KATNAL2: variants seen among roughly 807,000 people sequenced by gnomAD.
The protein encoded by KATNAL2 is katanin p60 ATPase-containing subunit A-like 2.
A neutral mutation model predicts 76.3 loss-of-function variants in KATNAL2; 52 were observed. The ratio of observed to expected loss-of-function variants is 0.68; its 90% CI spans 0.55 to 0.86. The LOEUF (loss-of-function observed/expected upper bound fraction) is 0.86, where lower values mean the gene tolerates loss of function less well. Among genes scored for constraint, KATNAL2 ranks in the 40% least tolerant of loss-of-function variants. The probability of loss-of-function intolerance (pLI) is 0.00; values close to 1 mark genes in which losing one functional copy is unlikely to be tolerated. For missense variants in KATNAL2, 660 were observed against 668.9 expected (o/e 0.99, Z 0.15); for synonymous variants, 243 against 244.2 (o/e 1.00, Z 0.05).
chr18:47,095,601 GTGA>G (rs2063197673), intron 15 of KATNAL2, among the ~76,000 whole-genome samples: 1 of 152,198 alleles, frequency 6.6e-6, no homozygotes, highest in African/African-American at 2.4e-5. Flanking sequence ...TCATAGCAGT[GTGA>G]GAATGGACTA....
intron 3 of KATNAL2, among the ~76,000 whole-genome samples, chr18:46,957,140 TTGG>T (rs1447173210): frequency 4.6e-5 from 7 of 152,162 alleles, no homozygotes; most frequent in African/African-American, 1.7e-4. Context: ...TGACTGTGCT[TTGG>T]GGTGCCCAGG....
chr18:46,961,673 T>A (rs925771157), intron 3 of KATNAL2, among the ~76,000 whole-genome samples: 1 of 152,232 alleles, frequency 6.6e-6, no homozygotes, highest in South Asian at 2.1e-4. Flanking sequence ...CTGACCATAT[T>A]TTTGACCACC....
intron 1 of KATNAL2, among the ~76,000 whole-genome samples, chr18:46,939,151 C>A (rs763459284): frequency 6.6e-6 from 1 of 151,980 alleles, no homozygotes; most frequent in Non-Finnish European, 1.5e-5. Context: ...ACCATCCTGG[C>A]CAACATGGTG....
At chr18:46,957,277 A>C (rs1466106991) in intron 3 of KATNAL2, among the ~76,000 whole-genome samples, 1 of 112,858 alleles carries the variant, frequency 8.9e-6, no homozygotes, top group African/African-American at 3.5e-5. Context: ...TTTTTTTGAG[A>C]CGGAGTCTCG....
intron 15 of KATNAL2, chr18:47,098,231 A>G: frequency 2.4e-6 from 1 of 408,500 alleles, no homozygotes; most frequent in Non-Finnish European, 4.8e-6. Flanking sequence ...CAAAAAAAAA[A>G]AAAGTGTACT....
intron 15 of KATNAL2, chr18:47,084,230 C>A (rs772336069): frequency 3.5e-4 from 228 of 645,808 alleles, no homozygotes; most frequent in Admixed American, 1.7e-3. Flanking sequence ...TGTTAACCTA[C>A]TTCTTCCTAC....
intron 1 of KATNAL2, among the ~76,000 whole-genome samples, chr18:46,923,989 G>A (rs1219358691): frequency 6.6e-6 from 1 of 152,134 alleles, no homozygotes; most frequent in Non-Finnish European, 1.5e-5. Flanking sequence ...TTTGTTGGAT[G>A]AGTAGGTTGC....
In KATNAL2 at chr18:46,946,341, G is replaced by A; in HGVS notation, c.-225G>A. On this transcript the variant is annotated 5_prime_UTR_variant, in exon 2 of 18. Coordinates refer to ENST00000683218, the MANE Select transcript of KATNAL2 (RefSeq NM_001387690.1). ...TGATGCACAGTTTGCATCCCAGAAG[G>A]CTCTTGACAACCAAAGTGTCCACAG... 9.7e-7 allele frequency: 1 copy of A among 1,029,350 alleles called. No individual in the cohort carries two copies. Among genetic ancestry groups the A allele is most frequent in the Non-Finnish European group, 1.2e-6 (1 of 854,334 alleles). The allele number at this position is 1,029,350 out of a possible 1,614,324, so 63.8% of individuals were successfully genotyped here.
Position 46,919,486 on chromosome 18 carries a change from C to CA in KATNAL2, c.-510+1573dup, listed in dbSNP as rs571707086. ...GGGCAACAAAAGCGAAACTCCATCT[C>CA]AAAAAAAAAAAAATTAGCCGGGTGT... On this transcript the variant is annotated intron_variant, in intron 1 of 17. Transcript: ENST00000683218. Among the ~76,000 whole-genome samples, 565 of 134,496 alleles carry CA rather than the reference C, an allele frequency of 4.2e-3. 3 individuals are homozygous for CA. The highest frequency in any genetic ancestry group is 0.011 in the East Asian group (52 of 4,554). 88.2% of individuals were successfully genotyped at this position (134,496 alleles called of 152,430 possible). A position where few individuals can be genotyped will look rare whatever the true frequency, so the allele number is the denominator to read the frequency against.
intron 1 of KATNAL2, among the ~76,000 whole-genome samples, chr18:46,935,714 G>A (rs1001725778): frequency 6.6e-6 from 1 of 152,098 alleles, no homozygotes; most frequent in African/African-American, 2.4e-5. Flanking sequence ...TCAGGTGTTC[G>A]AGGCCAGCCT....
rs1302397322 is a variant in KATNAL2, at chr18:47,035,200, G to A, written c.52-11257G>A. The A allele has an allele frequency of 1.2e-6, 2 of 1,612,648 alleles. No homozygotes were observed. The highest frequency in any genetic ancestry group is 2.2e-5 in the East Asian group (1 of 44,876). Reference sequence around the variant, plus strand: ...ATATTTCTCTAGCTTTTTCGGCTCCGTCTTAGTGGCCAGACGCACCTGCAG... The same window carrying A: ...ATATTTCTCTAGCTTTTTCGGCTCCATCTTAGTGGCCAGACGCACCTGCAG... On this transcript the variant is annotated intron_variant, in intron 3 of 17. Transcript: ENST00000683218.
At position 47,097,172 on chromosome 18, in the gene KATNAL2, T is replaced by A. The variant is rs145388741; in HGVS notation, c.1212-2071T>A. Among the ~76,000 whole-genome samples, 20 of 150,436 alleles carry A rather than the reference T, an allele frequency of 1.3e-4. No individual in the cohort carries two copies. In the East Asian group the frequency reaches 3.7e-3, roughly 28 times the overall value. ...TCTGTGTGTGTATGTGTGTGTTTAA[T>A]CAGCATTTGCAACCTCTAGTGAAAT... On this transcript the variant is annotated intron_variant, in intron 15 of 17. Coordinates refer to ENST00000683218, the MANE Select transcript of KATNAL2 (RefSeq NM_001387690.1).
chr18:47,067,156 C>A, intron 11 of KATNAL2, 37 bp downstream of exon 11: 1 of 1,071,094 alleles, frequency 9.3e-7, no homozygotes, highest in South Asian at 1.5e-5. Context: ...TATTTCTGTT[C>A]ACTATCCATT....
intron 3 of KATNAL2, among the ~76,000 whole-genome samples, chr18:47,042,314 A>G (rs1159960520): frequency 6.6e-6 from 1 of 152,254 alleles, no homozygotes. Context: ...AACAAGTAGT[A>G]CTTACTATGC....
At chr18:47,034,195 T>G in intron 3 of KATNAL2, 2 of 1,613,946 alleles carry the variant, frequency 1.2e-6, no homozygotes, top group Non-Finnish European at 1.7e-6. Flanking sequence ...GGACGTTCTG[T>G]CCAAATGAGC....
intron 3 of KATNAL2, among the ~76,000 whole-genome samples, chr18:47,037,480 C>T (rs961269709): frequency 6.6e-6 from 1 of 152,158 alleles, no homozygotes; most frequent in Non-Finnish European, 1.5e-5. Flanking sequence ...ATTTCAGGGG[C>T]ACACCATCTC....
chr18:47,081,763 A>G, intron 15 of KATNAL2, among the ~76,000 whole-genome samples: 1 of 152,096 alleles, frequency 6.6e-6, no homozygotes, highest in East Asian at 1.9e-4. Context: ...GTGCAGGATG[A>G]CTCAGCTCCA....
At chr18:47,048,341 A>G (rs939156123) in intron 4 of KATNAL2, among the ~76,000 whole-genome samples, 3 of 152,216 alleles carry the variant, frequency 2.0e-5, no homozygotes, top group African/African-American at 7.2e-5. Context: ...CTGGAGAGGT[A>G]CAAAGGAAAA....
intron 3 of KATNAL2, among the ~76,000 whole-genome samples, chr18:47,031,642 G>T (rs995756232): frequency 7.9e-5 from 12 of 152,154 alleles, no homozygotes; most frequent in African/African-American, 1.7e-4. Context: ...TTCAGAGCTA[G>T]AATGAGGATT....
Sources: allele counts gnomAD v4.1 joint callset (sites outside exome capture counted in the v4.1 genomes callset), GRCh38; gene constraint gnomAD v4.1.1; transcripts MANE v1.5; gene names NCBI Gene and HGNC (gene_info 2026-07-23, HGNC 2026-07-21).